TBL1X: variants seen among roughly 807,000 people sequenced by gnomAD.
The protein encoded by TBL1X is F-box-like/WD repeat-containing protein TBL1X.
In TBL1X, 10 loss-of-function variants were observed where a neutral mutation model predicts 50.7. The ratio of observed to expected loss-of-function variants is 0.20; its 90% CI spans 0.12 to 0.33. TBL1X has a LOEUF of 0.33. Among genes scored for constraint, TBL1X ranks in the 10% least tolerant of loss-of-function variants. TBL1X has a pLI of 1.00. For missense variants in TBL1X, 340 were observed against 504.4 expected (o/e 0.67, Z 3.12); for synonymous variants, 190 against 214.7 (o/e 0.88, Z 1.01).
intron 2 of TBL1X, among the ~76,000 whole-genome samples, chrX:9,567,026 T>C (rs1204833758): frequency 8.9e-6 from 1 of 111,812 alleles, no homozygotes; most frequent in Non-Finnish European, 1.9e-5. Flanking sequence ...ATACAACATG[T>C]GTGCCCAGTA....
chrX:9,507,866 G>C lies in TBL1X; in HGVS notation c.-131+6017G>C, dbSNP rs185811412. On this transcript the variant is annotated intron_variant, in intron 2 of 17. Coordinates refer to ENST00000645353, the MANE Select transcript of TBL1X (RefSeq NM_005647.4). ...AAAGGATCTCCTTATTCAGTAAATG[G>C]TGCTGGGAAAACTGGCTAGCCATAT... Among the ~76,000 whole-genome samples the C allele has an allele frequency of 3.6e-5, 4 of 112,297 alleles. No individual in the cohort carries two copies. In the Admixed American group the frequency reaches 3.8e-4, roughly 11 times the overall value.
At position 9,688,071 on chromosome X, in the gene TBL1X, G is replaced by A. The variant is rs756486278; in HGVS notation, c.412G>A (p.Val138Met). ...AGAGTCCCTGTCACTGATAGACGCC[G>A]TGATGCCCGACGTGGTGCAGACGCG... ...PIESLSLIDA[V>M]MPDVVQTRQQ... The change falls in exon 7 of 18, where the codon GTG becomes ATG. Residue 138 changes from valine (V) to methionine (M), a missense_variant. Around this residue, in one of 6 missense-constraint regions of TBL1X, gnomAD observed 99 missense variants for 93.3 expected, o/e 1.06. Transcript: ENST00000645353. 3.8e-5 allele frequency: 46 copies of A among 1,209,787 alleles called. No individual in the cohort carries two copies. The highest frequency in any genetic ancestry group is 2.2e-5 in the Admixed American group (1 of 45,767).
At chrX:9,649,126 G>C (rs764168255) in intron 3 of TBL1X, among the ~76,000 whole-genome samples, 1 of 111,991 alleles carries the variant, frequency 8.9e-6, no homozygotes, top group African/African-American at 3.2e-5. Context: ...GAGCTGAAGG[G>C]CATTAAATAC....
At chrX:9,556,048 G>T (rs2082296226) in intron 2 of TBL1X, among the ~76,000 whole-genome samples, 1 of 109,965 alleles carries the variant, frequency 9.1e-6, no homozygotes, top group Admixed American at 9.7e-5. Flanking sequence ...AATTAGCTGG[G>T]CATGGTGGCA....
intron 5 of TBL1X, among the ~76,000 whole-genome samples, chrX:9,681,475 A>G (rs1344921283): frequency 2.7e-5 from 3 of 112,668 alleles, no homozygotes; most frequent in African/African-American, 9.7e-5. Context: ...CAGCTGCTAC[A>G]AAGACTGAGG....
chrX:9,603,462 A>G (rs745990766), intron 2 of TBL1X, among the ~76,000 whole-genome samples: 6 of 112,603 alleles, frequency 5.3e-5, no homozygotes, highest in East Asian at 2.8e-4. Context: ...AGAGTTGGTT[A>G]TCACTAAAAT....
chrX:9,639,109 G>A (rs1233744948), intron 2 of TBL1X, among the ~76,000 whole-genome samples: 3 of 109,487 alleles, frequency 2.7e-5, no homozygotes, highest in Non-Finnish European at 5.7e-5. Context: ...TATGGTTTTT[G>A]TTTTCAATGT....
intron 6 of TBL1X, among the ~76,000 whole-genome samples, chrX:9,685,237 CT>C (rs2083050452): frequency 8.9e-6 from 1 of 111,923 alleles, no homozygotes; most frequent in South Asian, 3.7e-4. Flanking sequence ...TGAAGATCCC[CT>C]TGACTTCTGG....
chrX:9,625,842 G>C (rs898125993), intron 2 of TBL1X, among the ~76,000 whole-genome samples: 1 of 112,335 alleles, frequency 8.9e-6, no homozygotes, highest in Non-Finnish European at 1.9e-5. Flanking sequence ...GGGAGGCCGA[G>C]GCAGGAGAAT....
At chrX:9,491,330 ATATATATATT>A (rs1477331379) in intron 1 of TBL1X, among the ~76,000 whole-genome samples, 2 of 22,733 alleles carry the variant, frequency 8.8e-5, no homozygotes, top group African/African-American at 3.5e-4. Flanking sequence ...ATATATATAT[ATATATATATT>A]TTTTTTTTTT....
At chrX:9,608,657 C>T (rs1364085069) in intron 2 of TBL1X, among the ~76,000 whole-genome samples, 1 of 112,446 alleles carries the variant, frequency 8.9e-6, no homozygotes, top group Non-Finnish European at 1.9e-5. Flanking sequence ...GGTTAAGTCT[C>T]TAAAAAAGCA....
intron 5 of TBL1X, among the ~76,000 whole-genome samples, chrX:9,662,824 G>C (rs1308585186): frequency 8.9e-6 from 1 of 111,942 alleles, no homozygotes; most frequent in Non-Finnish European, 1.9e-5. Flanking sequence ...CCAGGCATGG[G>C]CTCACACCTG....
At position 9,698,275 on chromosome X, in the gene TBL1X, T is replaced by C. The variant is rs752718867; in HGVS notation, c.1114+846T>C. 2.7e-5 allele frequency among the ~76,000 whole-genome samples: 3 copies of C among 111,508 alleles called. No individual in the cohort carries two copies. The Admixed American group carries it at 2.9e-4, about 11-fold the overall frequency. Reference sequence around the variant, plus strand: ...CAGAAGCAGTGCGGGCTCCTTTCTCTTGCTGTTCTAAAGGGATGCTGTTTT... The same window carrying C: ...CAGAAGCAGTGCGGGCTCCTTTCTCCTGCTGTTCTAAAGGGATGCTGTTTT... On this transcript the variant is annotated intron_variant, in intron 12 of 17. Coordinates refer to ENST00000645353, the MANE Select transcript of TBL1X (RefSeq NM_005647.4).
Position 9,685,267 on chromosome X carries a change from A to G in TBL1X, c.357+1079A>G, listed in dbSNP as rs57579232. Among the ~76,000 whole-genome samples the G allele has an allele frequency of 7.8e-3, 868 of 111,527 alleles. 6 individuals are homozygous for G. The highest frequency in any genetic ancestry group is 0.027 in the African/African-American group (819 of 30,660). ...CTTCTGGGGAATAATGGGATCCACA[A>G]CCTTTCTTGCCGCCTTCACCTGAGT... is the stretch of plus-strand genomic sequence containing the variant. On this transcript the variant is annotated intron_variant, in intron 6 of 17. Transcript: ENST00000645353.
At chrX:9,492,142 A>G (rs781077637) in intron 1 of TBL1X, among the ~76,000 whole-genome samples, 22 of 112,051 alleles carry the variant, frequency 2.0e-4, no homozygotes, top group African/African-American at 6.8e-4. Context: ...CCTTGTGTAC[A>G]TGGAGTAGTT....
At chrX:9,560,901 A>G (rs1288396115) in intron 2 of TBL1X, among the ~76,000 whole-genome samples, 1 of 111,889 alleles carries the variant, frequency 8.9e-6, no homozygotes, top group African/African-American at 3.3e-5. Context: ...TGAAATACGC[A>G]AGTCCCAGAG....
chrX:9,619,832 T>A (rs760185249), intron 2 of TBL1X, among the ~76,000 whole-genome samples: 5 of 111,575 alleles, frequency 4.5e-5, no homozygotes, highest in African/African-American at 1.6e-4. Context: ...TTCAGTTTCT[T>A]CTCCAGTGCC....
chrX:9,478,227 C>G (rs1029744155), intron 1 of TBL1X, among the ~76,000 whole-genome samples: 10 of 110,758 alleles, frequency 9.0e-5, no homozygotes, highest in East Asian at 2.8e-4. Context: ...AAAGAGCTAC[C>G]TGTAGAAAGG....
At chrX:9,656,386 C>T (rs770332563) in intron 5 of TBL1X, among the ~76,000 whole-genome samples, 4 of 112,982 alleles carry the variant, frequency 3.5e-5, no homozygotes, top group Non-Finnish European at 5.6e-5. Context: ...TGAAGGACCA[C>T]GTGCTCCGGT....
Sources: gnomAD v4.1 joint callset for allele counts (sites outside exome capture counted in the v4.1 genomes callset) on GRCh38, gnomAD v4.1.1 for gene constraint, gnomAD v4.1.1 regional missense constraint, MANE v1.5 for transcripts, NCBI Gene and HGNC (gene_info 2026-07-23, HGNC 2026-07-21) for gene names.